DRC8: variants seen among roughly 807,000 people sequenced by gnomAD.
The protein encoded by DRC8 is dynein regulatory complex protein 8.
the DRC8 span, chr1:244,969,881 G>A: frequency 8.3e-4 from 368 of 444,570 alleles, 2 homozygotes; most frequent in Middle Eastern, 4.5e-3. Flanking sequence ...GAGGCGGGCT[G>A]CGAATGGGAA....
the DRC8 span, chr1:245,087,087 C>G: frequency 2.8e-6 from 3 of 1,082,958 alleles, no homozygotes; most frequent in East Asian, 7.8e-5. Context: ...GTCTTTGAAC[C>G]TCTGGACTGT....
the DRC8 span, among the ~76,000 whole-genome samples, chr1:245,013,696 A>T: frequency 3.9e-5 from 6 of 152,232 alleles, no homozygotes; most frequent in African/African-American, 1.4e-4. Flanking sequence ...GATCCAATTT[A>T]TTGCTGAGTG....
chr1:245,015,233 G>C, the DRC8 span, among the ~76,000 whole-genome samples: 1 of 152,108 alleles, frequency 6.6e-6, no homozygotes, highest in African/African-American at 2.4e-5. Flanking sequence ...CCTCCTGCCT[G>C]GGCCTACCAA....
the DRC8 span, among the ~76,000 whole-genome samples, chr1:245,026,559 T>C: frequency 2.0e-5 from 3 of 152,184 alleles, no homozygotes; most frequent in Admixed American, 6.5e-5. Context: ...TAAAAACTGT[T>C]ATCGATACTG....
chr1:245,008,688 T>TA, the DRC8 span, among the ~76,000 whole-genome samples: 16 of 151,198 alleles, frequency 1.1e-4, no homozygotes, highest in South Asian at 4.2e-4. Flanking sequence ...TTTTTTTTTT[T>TA]AAATTTTCAG....
the DRC8 span, among the ~76,000 whole-genome samples, chr1:245,054,021 G>A: frequency 6.7e-6 from 1 of 148,624 alleles, no homozygotes; most frequent in African/African-American, 2.5e-5. Flanking sequence ...TTCTTTGCAC[G>A]GGCTCTTTCC....
chr1:244,985,149 G>A, the DRC8 span, among the ~76,000 whole-genome samples: 1 of 140,826 alleles, frequency 7.1e-6, no homozygotes, highest in African/African-American at 2.7e-5. Flanking sequence ...TTCATTATAC[G>A]CTTCATCATA....
the DRC8 span, among the ~76,000 whole-genome samples, chr1:245,062,860 T>G: frequency 6.6e-6 from 1 of 152,248 alleles, no homozygotes; most frequent in African/African-American, 2.4e-5. Flanking sequence ...CTGCTCATTA[T>G]ATGAGGCCTC....
At chr1:245,099,647 GC>G in the DRC8 span, among the ~76,000 whole-genome samples, 1 of 152,244 alleles carries the variant, frequency 6.6e-6, no homozygotes, top group Admixed American at 6.5e-5. Flanking sequence ...TGCAAGTGAA[GC>G]CCCAGTTCTG....
the DRC8 span, among the ~76,000 whole-genome samples, chr1:245,110,722 C>T: frequency 6.6e-6 from 1 of 152,242 alleles, no homozygotes; most frequent in African/African-American, 2.4e-5. Context: ...TCTTCAGGCT[C>T]TGCAATTTGG....
At chr1:245,081,111 T>A in the DRC8 span, among the ~76,000 whole-genome samples, 14 of 150,630 alleles carry the variant, frequency 9.3e-5, no homozygotes, top group Admixed American at 4.6e-4. Context: ...TTTATTTTTT[T>A]ATTTTTATTT....
chr1:245,012,956 A>C, the DRC8 span, among the ~76,000 whole-genome samples: 2 of 152,226 alleles, frequency 1.3e-5, no homozygotes, highest in Non-Finnish European at 2.9e-5. Flanking sequence ...AATGCAAATC[A>C]GAATAGAATT....
chr1:245,015,904 C>T, the DRC8 span, among the ~76,000 whole-genome samples: 1 of 150,254 alleles, frequency 6.7e-6, no homozygotes, highest in East Asian at 1.9e-4. Context: ...TGGAAAAACC[C>T]TTCAGCGGCT....
chr1:245,006,498 T>C, the DRC8 span, among the ~76,000 whole-genome samples: 3 of 149,988 alleles, frequency 2.0e-5, no homozygotes, highest in Non-Finnish European at 3.0e-5. Flanking sequence ...AGAGGTGGGG[T>C]TTTATCATGT....
At chr1:245,039,831 C>T in the DRC8 span, among the ~76,000 whole-genome samples, 1 of 152,162 alleles carries the variant, frequency 6.6e-6, no homozygotes, top group African/African-American at 2.4e-5. Flanking sequence ...GGCGAGAATA[C>T]TACACACAAG....
At chr1:245,067,763 T>C in the DRC8 span, among the ~76,000 whole-genome samples, 1 of 152,192 alleles carries the variant, frequency 6.6e-6, no homozygotes, top group South Asian at 2.1e-4. Context: ...GCCCTGGGAC[T>C]TTACATCGTT....
the DRC8 span, among the ~76,000 whole-genome samples, chr1:245,034,612 A>AAAAAAG: frequency 6.7e-6 from 1 of 148,984 alleles, no homozygotes; most frequent in African/African-American, 2.5e-5. Context: ...AAAAAAAAAA[A>AAAAAAG]AAAAAAAAAA....
chr1:245,014,251 T>C, the DRC8 span, among the ~76,000 whole-genome samples: 3 of 152,088 alleles, frequency 2.0e-5, no homozygotes, highest in Non-Finnish European at 4.4e-5. Context: ...AACTTCGACA[T>C]AGGGTTAAGT....
chr1:245,023,174 T>C, the DRC8 span: 1 of 152,226 alleles, frequency 6.6e-6, no homozygotes, highest in Admixed American at 6.5e-5. Context: ...AGCGTAATGT[T>C]CTCAGGGTTC....
Sources: allele counts gnomAD v4.1 joint callset (sites outside exome capture counted in the v4.1 genomes callset), GRCh38; gene constraint gnomAD v4.1.1; transcripts MANE v1.5; gene names NCBI Gene and HGNC (gene_info 2026-07-23, HGNC 2026-07-21).